CSMD1: variants seen among roughly 807,000 people sequenced by gnomAD.
CSMD1 encodes the protein CUB and Sushi multiple domains 1, also known as CUB and sushi domain-containing protein 1.
CSMD1 carries 213 observed loss-of-function variants against 417.5 expected under a neutral mutation model. That is an observed-to-expected ratio of 0.51 (90% confidence interval 0.46 to 0.57). The LOEUF is 0.57. Among genes scored for constraint, CSMD1 ranks in the 20% least tolerant of loss-of-function variants. CSMD1 has a pLI of 0.00. For missense variants in CSMD1, 6,923 were observed against 4,529.7 expected (o/e 1.53, Z -15.17); for synonymous variants, 2,862 against 1,736.8 (o/e 1.65, Z -16.11).
intron 3 of CSMD1, among the ~76,000 whole-genome samples, chr8:4,081,518 C>T (rs900526680): frequency 2.0e-5 from 3 of 152,056 alleles, no homozygotes; most frequent in South Asian, 2.1e-4. Flanking sequence ...GAACTGGGGT[C>T]CCCCTACCAA....
intron 49 of CSMD1, among the ~76,000 whole-genome samples, chr8:3,059,195 TA>T (rs968815645): frequency 2.2e-4 from 28 of 130,120 alleles, no homozygotes; most frequent in African/African-American, 7.1e-4. Context: ...TGTTAAGAAC[TA>T]AAAAAAAATA....
intron 1 of CSMD1, among the ~76,000 whole-genome samples, chr8:4,786,723 T>C (rs1167480959): frequency 6.6e-6 from 1 of 152,176 alleles, no homozygotes; most frequent in Non-Finnish European, 1.5e-5. Context: ...TTTGTGAAAG[T>C]AGTCCATTAT....
intron 6 of CSMD1, among the ~76,000 whole-genome samples, chr8:3,750,412 T>G (rs1175227476): frequency 2.0e-5 from 3 of 151,348 alleles, no homozygotes; most frequent in African/African-American, 7.3e-5. Flanking sequence ...TTTGGAAAGA[T>G]GAAAATAACA....
intron 1 of CSMD1, among the ~76,000 whole-genome samples, chr8:4,841,790 A>C (rs1800849166): frequency 6.6e-6 from 1 of 151,844 alleles, no homozygotes; most frequent in Non-Finnish European, 1.5e-5. Flanking sequence ...ACATGCCTGT[A>C]ATCCTAGCTA....
At chr8:3,111,077 A>T (rs1449413250) in intron 42 of CSMD1, among the ~76,000 whole-genome samples, 1 of 152,208 alleles carries the variant, frequency 6.6e-6, no homozygotes, top group Non-Finnish European at 1.5e-5. Context: ...TAAAACTTTG[A>T]ACTCTGAAAT....
At chr8:4,049,999 T>C (rs1757576524) in intron 3 of CSMD1, among the ~76,000 whole-genome samples, 5 of 152,218 alleles carry the variant, frequency 3.3e-5, no homozygotes, top group Admixed American at 3.3e-4. Flanking sequence ...TCCCTTGTTT[T>C]AAGGGCCTTG....
chr8:4,248,424 C>A (rs559540026), intron 3 of CSMD1, among the ~76,000 whole-genome samples: 2 of 152,050 alleles, frequency 1.3e-5, no homozygotes, highest in African/African-American at 4.8e-5. Flanking sequence ...GAAGAGAGCC[C>A]GTCCACTTGA....
intron 26 of CSMD1, among the ~76,000 whole-genome samples, chr8:3,279,777 C>A (rs1278105621): frequency 2.0e-5 from 3 of 152,054 alleles, no homozygotes; most frequent in Non-Finnish European, 4.4e-5. Flanking sequence ...AGGAGAAGTG[C>A]AAGCAGGAGA....
intron 3 of CSMD1, among the ~76,000 whole-genome samples, chr8:4,272,130 G>C (rs1254388406): frequency 6.6e-6 from 1 of 152,172 alleles, no homozygotes; most frequent in East Asian, 1.9e-4. Context: ...TGTGTGGCTG[G>C]ACACATGGAG....
chr8:4,828,372 G>A (rs1343992816), intron 1 of CSMD1, among the ~76,000 whole-genome samples: 2 of 152,116 alleles, frequency 1.3e-5, no homozygotes, highest in South Asian at 2.1e-4. Context: ...CCTGAATATG[G>A]AAGACCACAA....
At chr8:2,966,010 T>A in intron 58 of CSMD1, 56 bp from the exon 59 acceptor site, 1 of 1,438,926 alleles carries the variant, frequency 6.9e-7, no homozygotes, top group Non-Finnish European at 9.6e-7. Context: ...TGAAATGAAT[T>A]AGTCACCATT....
chr8:3,687,681 G>A lies in CSMD1; in HGVS notation c.1009+20733C>T, dbSNP rs866760817. The stretch of plus-strand genomic sequence containing the variant: ...GCGCACGCTAGGACCGAGGCTCCCT[G>A]AGCCCCACCGTGCTAACTGATGGCT... On this transcript the variant is annotated intron_variant, in intron 7 of 69. Transcript: ENST00000635120. Among the ~76,000 whole-genome samples, 5 of 152,314 alleles carry A rather than the reference G, an allele frequency of 3.3e-5. No individual in the cohort carries two copies. The Middle Eastern group carries it at 0.01, about 311-fold the overall frequency.
chr8:4,850,809 C>T (rs12548370), intron 1 of CSMD1, among the ~76,000 whole-genome samples: 43,830 of 151,734 alleles, frequency 0.29, 6,761 homozygotes, highest in Non-Finnish European at 0.36. Flanking sequence ...AAACTGCCCT[C>T]AAAAATTCAA....
chr8:2,990,263 T>C (rs907016368), intron 54 of CSMD1, among the ~76,000 whole-genome samples: 2 of 152,218 alleles, frequency 1.3e-5, no homozygotes, highest in African/African-American at 4.8e-5. Flanking sequence ...CCGGTCCTCA[T>C]AGTTTCTTGT....
chr8:4,510,068 T>A (rs947389741), intron 2 of CSMD1, among the ~76,000 whole-genome samples: 2 of 152,096 alleles, frequency 1.3e-5, no homozygotes, highest in African/African-American at 4.8e-5. Context: ...GTCTTTCTCA[T>A]CCTATTAACT....
At chr8:4,861,143 C>T (rs1430775695) in intron 1 of CSMD1, among the ~76,000 whole-genome samples, 1 of 152,030 alleles carries the variant, frequency 6.6e-6, no homozygotes, top group African/African-American at 2.4e-5. Flanking sequence ...AGTGAATGTT[C>T]GTTGAACAAA....
intron 2 of CSMD1, among the ~76,000 whole-genome samples, chr8:4,422,130 A>C (rs1297980685): frequency 2.0e-5 from 3 of 152,158 alleles, no homozygotes; most frequent in Non-Finnish European, 4.4e-5. Flanking sequence ...TATAGCTATT[A>C]AAACTTTCCC....
At chr8:4,814,129 T>C (rs1477586525) in intron 1 of CSMD1, among the ~76,000 whole-genome samples, 1 of 152,266 alleles carries the variant, frequency 6.6e-6, no homozygotes, top group African/African-American at 2.4e-5. Flanking sequence ...AGCCTATTTC[T>C]TGGAATATAT....
chr8:3,834,605 G>C (rs530418733), intron 5 of CSMD1, among the ~76,000 whole-genome samples: 11 of 152,128 alleles, frequency 7.2e-5, no homozygotes, highest in South Asian at 2.1e-4. Context: ...CAAATGTGAA[G>C]GTAATACGTT....
Sources: gnomAD v4.1 joint callset for allele counts (sites outside exome capture counted in the v4.1 genomes callset) on GRCh38, gnomAD v4.1.1 for gene constraint, MANE v1.5 for transcripts, NCBI Gene and HGNC (gene_info 2026-07-23, HGNC 2026-07-21) for gene names.